Variants in DHX34 observed in about 807,000 individuals in gnomAD.
DHX34 encodes probable ATP-dependent RNA helicase DHX34.
In DHX34, 96 loss-of-function variants were observed where a neutral mutation model predicts 111.1. The ratio of observed to expected loss-of-function variants is 0.86; its 90% CI spans 0.73 to 1.02. The LOEUF (loss-of-function observed/expected upper bound fraction) is 1.02, where lower values mean the gene tolerates loss of function less well. DHX34 is among the 50% of genes least tolerant of loss of function. The pLI, the probability that DHX34 is intolerant of heterozygous loss-of-function variation, is 0.00. For synonymous variants in DHX34, 688 were observed against 670.4 expected (o/e 1.03, Z -0.41); for missense variants, 1,560 against 1,579.9 (o/e 0.99, Z 0.21).
rs1568392108 is a variant in DHX34 at position 47,352,807 on chromosome 19, C to A, written c.-224C>A. 2.5e-6 allele frequency: 2 copies of A among 794,730 alleles called. No individual in the cohort carries two copies. The highest frequency in any genetic ancestry group is 5.6e-5 in the East Asian group (2 of 35,812). The allele number at this position is 794,730 out of a possible 1,614,324, so 49.2% of individuals were successfully genotyped here. On this transcript the variant is annotated 5_prime_UTR_variant, in exon 2 of 17. Coordinates refer to ENST00000328771, the MANE Select transcript of DHX34 (RefSeq NM_014681.6). Reference sequence around the variant, plus strand: ...CTTGTGTCCATCCCAGAGATCACTGCAGATGTCATGAGGTACCCTTTGTGT... The same window carrying A: ...CTTGTGTCCATCCCAGAGATCACTGAAGATGTCATGAGGTACCCTTTGTGT...
At chr19:47,354,707 A>G (rs1969397310) in intron 2 of DHX34, among the ~76,000 whole-genome samples, 1 of 151,750 alleles carries the variant, frequency 6.6e-6, no homozygotes, top group Admixed American at 6.6e-5. Flanking sequence ...CTGGAGTGCA[A>G]TGGTGCGATC....
intron 6 of DHX34, among the ~76,000 whole-genome samples, chr19:47,365,146 C>T (rs1381900377): frequency 6.6e-6 from 1 of 152,142 alleles, no homozygotes; most frequent in Admixed American, 6.6e-5. Context: ...TCAGCCCCAG[C>T]TGCATACTAG....
chr19:47,363,233 C>T (rs1198673433), intron 6 of DHX34, among the ~76,000 whole-genome samples: 2 of 152,066 alleles, frequency 1.3e-5, no homozygotes, highest in African/African-American at 4.8e-5. Flanking sequence ...GGATTACAGG[C>T]ATGAGCCACC....
intron 5 of DHX34, among the ~76,000 whole-genome samples, chr19:47,361,779 A>G (rs184650810): frequency 7.4e-4 from 113 of 152,286 alleles, no homozygotes; most frequent in African/African-American, 2.6e-3. Flanking sequence ...TCTCAAAAAA[A>G]GAAAAGAAAG....
In DHX34 at chr19:47,353,396, C is replaced by G; in HGVS notation, c.366C>G (p.Gly122=). The change falls in exon 2 of 17, where the codon GGC becomes GGG. Residue 122 remains glycine (G), a synonymous_variant. Transcript: ENST00000328771. The surrounding 1 kb of genome is among the most constrained non-coding windows in gnomAD (Gnocchi z 4.6). ...GPATRGSQGL[G]RHLPAERVAE... ...CCACGCGGGGCTCTCAGGGACTGGG[C>G]AGGCACTTGCCCGCGGAGAGAGTGG... The G allele has an allele frequency of 6.2e-7, 1 of 1,614,196 alleles. No individual in the cohort carries two copies. Among genetic ancestry groups the G allele is most frequent in the Non-Finnish European group, 8.5e-7 (1 of 1,180,040 alleles).
At chr19:47,370,184 G>A (rs1378644755) in intron 7 of DHX34, among the ~76,000 whole-genome samples, 1 of 152,206 alleles carries the variant, frequency 6.6e-6, no homozygotes, top group Non-Finnish European at 1.5e-5. Context: ...TTGTGCGTGA[G>A]TGACAGGAAA....
intron 7 of DHX34, among the ~76,000 whole-genome samples, chr19:47,367,802 C>T (rs11879833): frequency 2.7e-5 from 4 of 149,700 alleles, no homozygotes; most frequent in Middle Eastern, 3.2e-3. Context: ...GTAGGAGAAT[C>T]GCTTGAACCT....
intron 5 of DHX34, 92 bp from the exon 6 acceptor site, chr19:47,362,384 T>C: frequency 7.2e-7 from 1 of 1,389,296 alleles, no homozygotes; most frequent in Non-Finnish European, 9.4e-7. Context: ...AAGGAGTAAG[T>C]GAGGGTGTTG....
intron 16 of DHX34, 33 bp from the exon 17 acceptor site, chr19:47,381,947 G>A (rs751231400): frequency 1.9e-5 from 31 of 1,613,494 alleles, no homozygotes; most frequent in Middle Eastern, 1.6e-4. Flanking sequence ...ACTGGAACAC[G>A]CCCCTCACAG....
intron 5 of DHX34, 27 bp downstream of exon 5, chr19:47,360,097 A>G (rs749582724): frequency 3.7e-6 from 6 of 1,609,230 alleles, no homozygotes; most frequent in East Asian, 4.5e-5. Context: ...GCCCCTACCC[A>G]CCACCCCCAA....
chr19:47,374,234 C>A (rs1033732102), intron 9 of DHX34, among the ~76,000 whole-genome samples: 3 of 152,116 alleles, frequency 2.0e-5, no homozygotes, highest in South Asian at 4.2e-4. Context: ...GTCAGGAGAT[C>A]GTGACCATCC....
intron 9 of DHX34, among the ~76,000 whole-genome samples, chr19:47,374,732 G>A (rs1237246853): frequency 6.6e-6 from 1 of 152,132 alleles, no homozygotes; most frequent in Non-Finnish European, 1.5e-5. Context: ...CTGAGCATGG[G>A]TCCCGAGTTC....
intron 3 of DHX34, among the ~76,000 whole-genome samples, chr19:47,356,646 GAAAA>G (rs1248197412): frequency 2.0e-5 from 3 of 150,620 alleles, no homozygotes; most frequent in South Asian, 2.1e-4. Context: ...AAAAAAGAAA[GAAAA>G]GAAAGAGAGA....
At position 47,380,982 on chromosome 19, in the gene DHX34, A is replaced by G. The variant is rs761793349; in HGVS notation, c.3149A>G (p.Asn1050Ser). The G allele has an allele frequency of 4.4e-6, 7 of 1,578,760 alleles. No individual in the cohort carries two copies. Among genetic ancestry groups the G allele is most frequent in the Non-Finnish European group, 6.0e-6 (7 of 1,164,236 alleles). The change falls in exon 15 of 17, where the codon AAC (asparagine) becomes AGC (serine). Residue 1050 changes from asparagine to serine, a missense_variant. Physicochemically the swap from Asn to Ser is conservative, Grantham distance 46 (BLOSUM62 1). Transcript: ENST00000328771. ...GYAVTDFLTYNCLTNDTDLYS... is the reference protein window; with the variant it reads ...GYAVTDFLTYSCLTNDTDLYS... ...GCAGTCACTGACTTCCTCACCTACA[A>G]CTGCCTCACGGTAAGCATGAACCCT...
chr19:47,381,846 TC>T, intron 16 of DHX34, 133 bp from the exon 17 acceptor site: 2 of 1,497,066 alleles, frequency 1.3e-6, no homozygotes, highest in Non-Finnish European at 1.8e-6. Context: ...TGGGAGGGCT[TC>T]CTGGAGGAGG....
At chr19:47,377,442 G>A (rs1347253578) in intron 13 of DHX34, among the ~76,000 whole-genome samples, 1 of 148,346 alleles carries the variant, frequency 6.7e-6, no homozygotes, top group African/African-American at 2.6e-5. Context: ...CAAGGGCGCA[G>A]CAGGGAACCA....
At chr19:47,359,353 T>C (rs1969554045) in intron 4 of DHX34, among the ~76,000 whole-genome samples, 1 of 151,990 alleles carries the variant, frequency 6.6e-6, no homozygotes, top group Non-Finnish European at 1.5e-5. Context: ...TCCCAGCTAC[T>C]TGGGAGGCTG....
intron 3 of DHX34, among the ~76,000 whole-genome samples, chr19:47,356,718 C>G (rs987501353): frequency 1.3e-5 from 2 of 151,972 alleles, no homozygotes; most frequent in African/African-American, 2.4e-5. Flanking sequence ...CTTTAGGAGG[C>G]CGAGGCGGGT....
chr19:47,372,937 T>G lies in DHX34; in HGVS notation c.1962+14T>G, dbSNP rs1599769873. On this transcript the variant is annotated intron_variant, in intron 8 of 16. Transcript: ENST00000328771. ...GCCTGGGTGCAGGTGAGGCTGGTGG[T>G]GGGGGCCCTCTGTCTGTCACCCTGC... is the stretch of plus-strand genomic sequence containing the variant. 6.3e-7 allele frequency: 1 copy of G among 1,575,968 alleles called. No individual in the cohort carries two copies. The highest frequency in any genetic ancestry group is 1.8e-5 in the Admixed American group (1 of 57,120).
Sources: allele counts gnomAD v4.1 joint callset (sites outside exome capture counted in the v4.1 genomes callset), GRCh38; gene constraint gnomAD v4.1.1; non-coding constraint Gnocchi (gnomAD v3.1); transcripts MANE v1.5; gene names NCBI Gene and HGNC (gene_info 2026-07-23, HGNC 2026-07-21).